The following LMX1B variants were observed in gnomAD, a reference collection of about 807,000 sequenced individuals.
LMX1B encodes the protein LIM homeobox transcription factor 1-beta.
LMX1B carries 12 observed loss-of-function variants against 51.4 expected under a neutral mutation model. The ratio of observed to expected loss-of-function variants is 0.23; its 90% confidence interval spans 0.15 to 0.38. The LOEUF is 0.38. LMX1B is among the 10% of genes least tolerant of loss of function. LMX1B has a pLI of 1.00. For synonymous variants in LMX1B, 237 were observed against 235.4 expected (o/e 1.01, Z -0.06); for missense variants, 445 against 571.1 (o/e 0.78, Z 2.25).
Position 126,673,926 on chromosome 9 carries a change from G to T in LMX1B, c.327-16910G>T, listed in dbSNP as rs1420125109. Among the ~76,000 whole-genome samples the T allele has an allele frequency of 2.6e-5, 4 of 152,186 alleles. No individual in the cohort carries two copies. Among genetic ancestry groups the T allele is most frequent in the African/African-American group, 9.7e-5 (4 of 41,440 alleles). On this transcript the variant is annotated intron_variant, in intron 2 of 7. Coordinates refer to ENST00000373474, the MANE Select transcript of LMX1B (RefSeq NM_001174147.2). This position sits in a 1 kb window ranked among gnomAD's most constrained non-coding sequence, Gnocchi z 4.4. ...TCTGCGGCCGTGGCCAGGTACACAG[G>T]CCTGTTTGGACAGCTGCCTTGTCTG...
chr9:126,679,935 C>T (rs1736624314), intron 2 of LMX1B, among the ~76,000 whole-genome samples: 1 of 152,240 alleles, frequency 6.6e-6, no homozygotes, highest in African/African-American at 2.4e-5. Flanking sequence ...TGCCCCACCA[C>T]TCTGCCCTCC....
At chr9:126,664,408 T>A (rs1004807328) in intron 2 of LMX1B, among the ~76,000 whole-genome samples, 2 of 151,826 alleles carry the variant, frequency 1.3e-5, no homozygotes, top group Non-Finnish European at 2.9e-5. Context: ...GCCCCAGGGA[T>A]GGGGGGGAGG....
intron 2 of LMX1B, among the ~76,000 whole-genome samples, chr9:126,638,699 G>C (rs1163201940): frequency 6.6e-6 from 1 of 152,194 alleles, no homozygotes; most frequent in Non-Finnish European, 1.5e-5. Context: ...GCGGCTCGGA[G>C]CTCCCATTAT....
chr9:126,694,881 C>G (rs1411343032), intron 6 of LMX1B, among the ~76,000 whole-genome samples: 1 of 152,128 alleles, frequency 6.6e-6, no homozygotes, highest in Non-Finnish European at 1.5e-5. Context: ...GAAGGTCCCA[C>G]AGTCCCCCCA....
At chr9:126,680,707 A>G (rs985690992) in intron 2 of LMX1B, among the ~76,000 whole-genome samples, 1 of 152,128 alleles carries the variant, frequency 6.6e-6, no homozygotes, top group African/African-American at 2.4e-5. Context: ...TAAACGTTAG[A>G]TGAATGGGTG....
At chr9:126,620,568 G>C (rs908865143) in intron 2 of LMX1B, among the ~76,000 whole-genome samples, 1 of 152,222 alleles carries the variant, frequency 6.6e-6, no homozygotes, top group Non-Finnish European at 1.5e-5. Flanking sequence ...GGCCACAACA[G>C]GGTGGCCAGC....
chr9:126,649,839 G>C (rs1381755313), intron 2 of LMX1B, among the ~76,000 whole-genome samples: 1 of 151,992 alleles, frequency 6.6e-6, no homozygotes, highest in African/African-American at 2.4e-5. Flanking sequence ...TCTTTCCCAG[G>C]CTAGTCTCAA....
rs1400275818 is a variant in LMX1B at position 126,615,217 on chromosome 9, G to A, written c.140-166G>A. ...GCCCGAGGACTGGGACGGACTAGCC[G>A]GGGCCGCCCGGCCCCTGGCGCGGCG... On this transcript the variant is annotated intron_variant, in intron 1 of 7. Coordinates refer to ENST00000373474, the MANE Select transcript of LMX1B (RefSeq NM_001174147.2). The surrounding 1 kb of genome is among the most constrained non-coding windows in gnomAD (Gnocchi z 6.0). Among the ~76,000 whole-genome samples, 1 of 151,608 alleles carries A rather than the reference G, an allele frequency of 6.6e-6. No individual in the cohort carries two copies. Among genetic ancestry groups the A allele is most frequent in the East Asian group, 2.0e-4 (1 of 5,096 alleles).
intron 2 of LMX1B, among the ~76,000 whole-genome samples, chr9:126,642,946 G>A (rs763320767): frequency 3.3e-5 from 5 of 152,136 alleles, no homozygotes; most frequent in East Asian, 3.9e-4. Context: ...AGTGGACTGC[G>A]CTCTCTTCCC....
At chr9:126,667,478 G>A (rs763897648) in intron 2 of LMX1B, among the ~76,000 whole-genome samples, 2 of 152,248 alleles carry the variant, frequency 1.3e-5, no homozygotes, top group Admixed American at 1.3e-4. Flanking sequence ...CGCGTGACGG[G>A]AGCTGGAGTA....
rs761586119 is a variant in LMX1B at position 126,690,961 on chromosome 9, G to A, written c.452G>A (p.Arg151His). Residue 151 changes from arginine to histidine, a missense_variant, in exon 3 of 8, where the codon CGC (arginine) becomes CAC (histidine). Coordinates refer to ENST00000373474, the MANE Select transcript of LMX1B (RefSeq NM_001174147.2). ...TGCTGCGTGTGTGAACGGCAGCTAC[G>A]CAAGGGCGACGAATTCGTGCTCAAG... is the stretch of plus-strand genomic sequence containing the variant. ...FCCCVCERQL[R>H]KGDEFVLKEG... 1.4e-5 allele frequency: 22 copies of A among 1,613,976 alleles called. No homozygotes were observed. Among genetic ancestry groups the A allele is most frequent in the East Asian group, 4.5e-5 (2 of 44,884 alleles).
intron 2 of LMX1B, among the ~76,000 whole-genome samples, chr9:126,632,209 C>T (rs1218275283): frequency 2.0e-5 from 3 of 152,138 alleles, no homozygotes; most frequent in Non-Finnish European, 4.4e-5. Flanking sequence ...CCATGGGAGC[C>T]GTTTTTCTTA....
rs1296336030 is a variant in LMX1B at position 126,658,623 on chromosome 9, C to A, written c.327-32213C>A. Among the ~76,000 whole-genome samples, 1 of 152,250 alleles carries A rather than the reference C, an allele frequency of 6.6e-6. No homozygotes were observed. The highest frequency in any genetic ancestry group is 1.5e-5 in the Non-Finnish European group (1 of 68,048). Reference sequence around the variant, plus strand: ...TTTAAAGGCAGGCGGCCGCACCCGGCAGCGTTATTACCTTGTCATAAATAG... The same window carrying A: ...TTTAAAGGCAGGCGGCCGCACCCGGAAGCGTTATTACCTTGTCATAAATAG... On this transcript the variant is annotated intron_variant, in intron 2 of 7. Coordinates refer to ENST00000373474, the MANE Select transcript of LMX1B (RefSeq NM_001174147.2). The surrounding 1 kb of genome is among the most constrained non-coding windows in gnomAD (Gnocchi z 4.0).
chr9:126,691,494 A>C (rs1395823144), intron 3 of LMX1B, among the ~76,000 whole-genome samples: 1 of 152,218 alleles, frequency 6.6e-6, no homozygotes, highest in African/African-American at 2.4e-5. Context: ...CACATGACAC[A>C]GCACACTTGT....
chr9:126,660,022 T>A (rs1836202639), intron 2 of LMX1B, among the ~76,000 whole-genome samples: 2 of 150,260 alleles, frequency 1.3e-5, no homozygotes, highest in African/African-American at 2.5e-5. Context: ...AATTGTCCTG[T>A]GTGGGGGTGT....
Position 126,673,043 on chromosome 9 carries a change from T to C in LMX1B, c.327-17793T>C, listed in dbSNP as rs1056489470. 2.6e-4 allele frequency among the ~76,000 whole-genome samples: 40 copies of C among 152,250 alleles called. 1 individual carries two copies. The highest frequency in any genetic ancestry group is 1.5e-5 in the Non-Finnish European group (1 of 68,030). On this transcript the variant is annotated intron_variant, in intron 2 of 7. Coordinates refer to ENST00000373474, the MANE Select transcript of LMX1B (RefSeq NM_001174147.2). This position sits in a 1 kb window ranked among gnomAD's most constrained non-coding sequence, Gnocchi z 4.4. ...GCTTTTGCCCAACCACATGCTGACC[T>C]ATCTCTTACTGGGGGCTCTGGCACT...
chr9:126,682,220 G>C (rs1007512987), intron 2 of LMX1B, among the ~76,000 whole-genome samples: 1 of 150,908 alleles, frequency 6.6e-6, no homozygotes, highest in Non-Finnish European at 1.5e-5. Flanking sequence ...CAGCCACAGA[G>C]CCCAGCCTCC....
chr9:126,669,912 G>A (rs1836418990), intron 2 of LMX1B, among the ~76,000 whole-genome samples: 2 of 152,150 alleles, frequency 1.3e-5, no homozygotes. Context: ...AACCACAGTG[G>A]CCATGGTTAG....
intron 2 of LMX1B, among the ~76,000 whole-genome samples, chr9:126,653,154 T>C (rs1344852715): frequency 7.3e-6 from 1 of 137,626 alleles, no homozygotes; most frequent in African/African-American, 2.8e-5. Context: ...TTTTTTTTTT[T>C]TTTTTTTTTT....
Sources: gnomAD v4.1 joint callset for allele counts (sites outside exome capture counted in the v4.1 genomes callset) on GRCh38, gnomAD v4.1.1 for gene constraint, Gnocchi (gnomAD v3.1) non-coding constraint, MANE v1.5 for transcripts, NCBI Gene and HGNC (gene_info 2026-07-23, HGNC 2026-07-21) for gene names.